Variants in SCHIP1 observed in about 807,000 individuals in gnomAD.
SCHIP1 encodes the protein schwannomin interacting protein 1.
In SCHIP1, 8 loss-of-function variants were observed where a neutral mutation model predicts 29.7. That is an observed-to-expected ratio of 0.27 (90% CI 0.16 to 0.49). The LOEUF (loss-of-function observed/expected upper bound fraction) is 0.49. SCHIP1 is among the 20% of genes least tolerant of loss of function. The pLI is 0.99. For synonymous variants in SCHIP1, 76 were observed against 94.9 expected (o/e 0.80, Z 1.16); for missense variants, 193 against 294.6 (o/e 0.66, Z 2.52).
At chr3:159,706,872 C>T in the SCHIP1 span, among the ~76,000 whole-genome samples, 6,356 of 152,228 alleles carry the variant, frequency 0.042, 461 homozygotes, top group African/African-American at 0.15. Context: ...ATCTTTAATT[C>T]TATGAAATAA....
chr3:159,426,667 C>A, the SCHIP1 span, among the ~76,000 whole-genome samples: 1 of 152,258 alleles, frequency 6.6e-6, no homozygotes, highest in African/African-American at 2.4e-5. Flanking sequence ...AGAGGGAATC[C>A]TCCCTAACTC....
At chr3:159,734,229 G>A in the SCHIP1 span, among the ~76,000 whole-genome samples, 4 of 136,710 alleles carry the variant, frequency 2.9e-5, no homozygotes, top group Admixed American at 1.6e-4. Flanking sequence ...TTCAACCTCC[G>A]CCTCCCAGGT....
chr3:159,876,188 C>CA (rs1715785301), intron 2 of SCHIP1, among the ~76,000 whole-genome samples: 1 of 152,182 alleles, frequency 6.6e-6, no homozygotes, highest in Non-Finnish European at 1.5e-5. Flanking sequence ...ATCACTGTTC[C>CA]AGGATTTGTA....
the SCHIP1 span, among the ~76,000 whole-genome samples, chr3:159,440,864 G>A: frequency 1.3e-5 from 2 of 152,134 alleles, no homozygotes. Flanking sequence ...TCCTGTACTA[G>A]TAACTAAAAC....
chr3:159,413,500 T>A, the SCHIP1 span, among the ~76,000 whole-genome samples: 1 of 152,336 alleles, frequency 6.6e-6, no homozygotes, highest in East Asian at 1.9e-4. Flanking sequence ...AAATATTTCT[T>A]GAGGGCCCAT....
chr3:159,617,799 A>G, the SCHIP1 span, among the ~76,000 whole-genome samples: 1 of 152,162 alleles, frequency 6.6e-6, no homozygotes, highest in Non-Finnish European at 1.5e-5. Context: ...ATGAACAATA[A>G]ATTTTCTATG....
At chr3:159,492,619 G>C in the SCHIP1 span, among the ~76,000 whole-genome samples, 1 of 152,134 alleles carries the variant, frequency 6.6e-6, no homozygotes, top group South Asian at 2.1e-4. Flanking sequence ...CCAAAACTAC[G>C]TCTAATTGCT....
chr3:159,562,295 G>A, the SCHIP1 span, among the ~76,000 whole-genome samples: 1 of 152,198 alleles, frequency 6.6e-6, no homozygotes, highest in African/African-American at 2.4e-5. Context: ...TATCCTTGAT[G>A]AGCAAGGTAT....
chr3:159,822,272 G>T, the SCHIP1 span, among the ~76,000 whole-genome samples: 1 of 152,112 alleles, frequency 6.6e-6, no homozygotes, highest in African/African-American at 2.4e-5. Context: ...GTTAAGGGTT[G>T]CAATGATAGG....
the SCHIP1 span, among the ~76,000 whole-genome samples, chr3:159,493,102 T>G: frequency 6.6e-6 from 1 of 152,086 alleles, no homozygotes; most frequent in East Asian, 1.9e-4. Context: ...CTGAAGGAAG[T>G]ACTAAACGTG....
the SCHIP1 span, among the ~76,000 whole-genome samples, chr3:159,280,161 T>A: frequency 1.3e-5 from 2 of 152,190 alleles, no homozygotes; most frequent in South Asian, 2.1e-4. Context: ...TCCCTGATGT[T>A]GTAAAATGCC....
the SCHIP1 span, among the ~76,000 whole-genome samples, chr3:159,627,649 T>C: frequency 1.3e-5 from 2 of 152,196 alleles, no homozygotes; most frequent in Non-Finnish European, 2.9e-5. Flanking sequence ...CATCGCCTAG[T>C]GAGATGGCCT....
At chr3:159,466,563 C>G in the SCHIP1 span, among the ~76,000 whole-genome samples, 1 of 152,088 alleles carries the variant, frequency 6.6e-6, no homozygotes, top group Non-Finnish European at 1.5e-5. Flanking sequence ...GCTACCGTGA[C>G]AGATGAAAAT....
chr3:159,708,000 A>G, the SCHIP1 span, among the ~76,000 whole-genome samples: 1 of 151,632 alleles, frequency 6.6e-6, no homozygotes, highest in Non-Finnish European at 1.5e-5. Flanking sequence ...CTCGCCTTCT[A>G]TTCTTCCTCC....
the SCHIP1 span, among the ~76,000 whole-genome samples, chr3:159,755,063 G>T: frequency 6.6e-6 from 1 of 152,044 alleles, no homozygotes; most frequent in African/African-American, 2.4e-5. Context: ...GTGAAACCCC[G>T]TCTCTACTAA....
the SCHIP1 span, among the ~76,000 whole-genome samples, chr3:159,778,286 C>T: frequency 6.6e-6 from 1 of 152,148 alleles, no homozygotes; most frequent in Non-Finnish European, 1.5e-5. Flanking sequence ...AGCCACCGCG[C>T]CCGGCTAGGA....
the SCHIP1 span, among the ~76,000 whole-genome samples, chr3:159,780,812 G>A: frequency 2.0e-5 from 3 of 152,190 alleles, no homozygotes; most frequent in African/African-American, 7.2e-5. Flanking sequence ...ATAGGGATTC[G>A]ACCTGTGACT....
chr3:159,568,433 C>T, the SCHIP1 span, among the ~76,000 whole-genome samples: 111 of 152,042 alleles, frequency 7.3e-4, no homozygotes, highest in African/African-American at 2.5e-3. Flanking sequence ...ATATATTTCA[C>T]AAACTTAATA....
At chr3:159,816,124 C>T in the SCHIP1 span, among the ~76,000 whole-genome samples, 2 of 151,774 alleles carry the variant, frequency 1.3e-5, no homozygotes, top group Non-Finnish European at 2.9e-5. Context: ...AATTTTTGTA[C>T]TTTTAGTAGA....
Sources: allele counts gnomAD v4.1 joint callset (sites outside exome capture counted in the v4.1 genomes callset), GRCh38; gene constraint gnomAD v4.1.1; transcripts MANE v1.5; gene names NCBI Gene and HGNC (gene_info 2026-07-23, HGNC 2026-07-21).